Variants in TIAM1 observed in about 807,000 individuals in gnomAD.
TIAM1 encodes rho guanine nucleotide exchange factor TIAM1.
In TIAM1, 65 loss-of-function variants were observed where a neutral mutation model predicts 163.5. The observed-to-expected ratio is 0.40, with a 90% CI of 0.33 to 0.49. The LOEUF (loss-of-function observed/expected upper bound fraction) is 0.49, where lower values mean the gene tolerates loss of function less well. TIAM1 is among the 20% of genes least tolerant of loss of function. The probability of loss-of-function intolerance (pLI) is 0.77; values close to 1 mark genes in which losing one functional copy is unlikely to be tolerated. For synonymous variants in TIAM1, 833 were observed against 810.1 expected (o/e 1.03, Z -0.48); for missense variants, 1,789 against 2,044.7 (o/e 0.87, Z 2.41).
At chr21:31,132,843 C>G (rs1005214261) in intron 23 of TIAM1, among the ~76,000 whole-genome samples, 2 of 152,192 alleles carry the variant, frequency 1.3e-5, no homozygotes, top group Non-Finnish European at 2.9e-5. Context: ...CCACTCTGTG[C>G]CCCAAAACGT....
intron 1 of TIAM1, among the ~76,000 whole-genome samples, chr21:31,490,561 C>T (rs960277927): frequency 2.0e-5 from 3 of 152,122 alleles, no homozygotes; most frequent in Admixed American, 6.5e-5. Context: ...CTCAGGGAAC[C>T]GCCGCTGCCC....
intron 6 of TIAM1, among the ~76,000 whole-genome samples, chr21:31,230,771 T>C (rs1312643481): frequency 3.9e-5 from 6 of 152,270 alleles, no homozygotes; most frequent in African/African-American, 1.4e-4. Flanking sequence ...TGACCTCAAG[T>C]GATCCGCCAG....
At chr21:31,506,313 T>A (rs1050085871) in intron 1 of TIAM1, among the ~76,000 whole-genome samples, 7 of 149,990 alleles carry the variant, frequency 4.7e-5, no homozygotes, top group African/African-American at 1.7e-4. Flanking sequence ...CTCCCTTCCA[T>A]ATCTTTTTTT....
chr21:31,486,969 GAC>G (rs2046293381), intron 1 of TIAM1, among the ~76,000 whole-genome samples: 1 of 152,174 alleles, frequency 6.6e-6, no homozygotes, highest in Admixed American at 6.5e-5. Flanking sequence ...AAGACTTGGT[GAC>G]ACAGCCACAG....
intron 2 of TIAM1, among the ~76,000 whole-genome samples, chr21:31,463,250 G>A (rs552329871): frequency 6.6e-6 from 1 of 152,308 alleles, no homozygotes; most frequent in East Asian, 1.9e-4. Flanking sequence ...ACTGAGCCCA[G>A]AGCAGCCGTG....
intron 2 of TIAM1, among the ~76,000 whole-genome samples, chr21:31,441,951 G>A (rs1569334931): frequency 6.7e-6 from 1 of 149,136 alleles, no homozygotes; most frequent in African/African-American, 2.5e-5. Context: ...AGCTACTCAG[G>A]AGGCTGAGGT....
intron 1 of TIAM1, among the ~76,000 whole-genome samples, chr21:31,512,459 C>T (rs1435688619): frequency 6.6e-6 from 1 of 152,048 alleles, no homozygotes; most frequent in African/African-American, 2.4e-5. Flanking sequence ...TGGCCTGTGA[C>T]CCAGTTTGAA....
intron 2 of TIAM1, among the ~76,000 whole-genome samples, chr21:31,354,862 G>A (rs1407296308): frequency 6.6e-6 from 1 of 152,182 alleles, no homozygotes; most frequent in Non-Finnish European, 1.5e-5. Context: ...AACCTGCCCA[G>A]CTGACAATCC....
Position 31,266,478 on chromosome 21 carries a change from A to T in TIAM1, c.495T>A (p.Phe165Leu). The T allele has an allele frequency of 6.2e-7, 1 of 1,614,186 alleles. No homozygotes were observed. The highest frequency in any genetic ancestry group is 1.3e-5 in the African/African-American group (1 of 75,038). The change falls in exon 4 of 28, where the codon TTT (phenylalanine) becomes TTA (leucine). Residue 165 changes from phenylalanine to leucine, a missense_variant. By Grantham distance (22) the Phe-to-Leu change is conservative. This residue lies in a region of TIAM1 where 555 missense variants were observed against 564.9 expected (regional missense o/e 0.98). Coordinates refer to ENST00000541036, the MANE Select transcript of TIAM1 (RefSeq NM_001353694.2). The stretch of plus-strand genomic sequence containing the variant: ...CTGCAGATTTGGAGCGTTTCTTCTT[A>T]AAGCTCGCCGTCTCCATGAAAGTGG... The part of the protein sequence containing the change: ...NGPTFMETAS[F>L]KKKRSKSADI...
At chr21:31,224,727 T>A (rs1191774327) in intron 7 of TIAM1, among the ~76,000 whole-genome samples, 1 of 152,146 alleles carries the variant, frequency 6.6e-6, no homozygotes, top group Admixed American at 6.5e-5. Flanking sequence ...TGCCTCAATT[T>A]AAAAAAATAC....
intron 15 of TIAM1, among the ~76,000 whole-genome samples, chr21:31,175,625 GTCT>G (rs2084724388): frequency 6.6e-6 from 1 of 151,966 alleles, no homozygotes; most frequent in Non-Finnish European, 1.5e-5. Flanking sequence ...TTGAGACGGA[GTCT>G]CCCTCTGTCG....
chr21:31,394,728 TCACA>T (rs71318270), intron 2 of TIAM1, among the ~76,000 whole-genome samples: 3,320 of 95,270 alleles, frequency 0.035, 65 homozygotes, highest in South Asian at 0.086. Context: ...TCTCTCTCTC[TCACA>T]CACACACACA....
At chr21:31,164,862 T>G (rs1024355111) in intron 16 of TIAM1, 100 bp downstream of exon 16, 3 of 1,201,176 alleles carry the variant, frequency 2.5e-6, no homozygotes, top group Non-Finnish European at 3.6e-6. Context: ...ACTTCGTCCA[T>G]GGAGAGGCCT....
At chr21:31,412,195 G>A (rs1453666585) in intron 2 of TIAM1, among the ~76,000 whole-genome samples, 1 of 152,204 alleles carries the variant, frequency 6.6e-6, no homozygotes, top group East Asian at 1.9e-4. Flanking sequence ...AGTATTGCAA[G>A]TGCTCACTTC....
chr21:31,219,313 A>C (rs1218112104), intron 8 of TIAM1, among the ~76,000 whole-genome samples: 1 of 152,190 alleles, frequency 6.6e-6, no homozygotes, highest in East Asian at 1.9e-4. Flanking sequence ...GCCTTTCAAA[A>C]AAGGGAGTGG....
At chr21:31,197,445 G>A (rs947506823) in intron 12 of TIAM1, among the ~76,000 whole-genome samples, 16 of 148,568 alleles carry the variant, frequency 1.1e-4, no homozygotes, top group Admixed American at 2.0e-4. Flanking sequence ...GTGTGATCTC[G>A]GCTCACTGCA....
At chr21:31,537,283 T>C (rs2048167829) in intron 1 of TIAM1, among the ~76,000 whole-genome samples, 1 of 152,134 alleles carries the variant, frequency 6.6e-6, no homozygotes, top group African/African-American at 2.4e-5. Context: ...CGCATAGGGC[T>C]GAACATAGGT....
chr21:31,221,555 A>G, intron 8 of TIAM1, among the ~76,000 whole-genome samples: 1 of 152,264 alleles, frequency 6.6e-6, no homozygotes. Context: ...TGGAAGAGTA[A>G]AACGGTAACC....
intron 11 of TIAM1, among the ~76,000 whole-genome samples, chr21:31,207,696 C>T (rs1232290186): frequency 1.2e-4 from 19 of 152,162 alleles, no homozygotes; most frequent in Non-Finnish European, 2.6e-4. Context: ...TTTCCAAAGA[C>T]CATCAATTTC....
Sources: gnomAD v4.1 joint callset for allele counts (sites outside exome capture counted in the v4.1 genomes callset) on GRCh38, gnomAD v4.1.1 for gene constraint, gnomAD v4.1.1 regional missense constraint, MANE v1.5 for transcripts, NCBI Gene and HGNC (gene_info 2026-07-23, HGNC 2026-07-21) for gene names.